The following SPECC1 variants were observed in gnomAD, a reference collection of about 807,000 sequenced individuals.
The protein encoded by SPECC1 is cytospin-B.
SPECC1 carries 62 observed loss-of-function variants against 104.1 expected under a neutral mutation model. The ratio of observed to expected loss-of-function variants is 0.60; its 90% CI spans 0.49 to 0.74. SPECC1 has a LOEUF of 0.74. Among genes scored for constraint, SPECC1 ranks in the 30% least tolerant of loss-of-function variants. SPECC1 has a pLI of 0.00. For missense variants in SPECC1, 1,306 were observed against 1,310.5 expected, an observed-to-expected ratio of 1.00 and a Z score of 0.05; for synonymous variants, 513 against 501.6, an observed-to-expected ratio of 1.02 and a Z score of -0.30.
At chr17:20,203,601 ATC>A (rs1184068094) in intron 3 of SPECC1, among the ~76,000 whole-genome samples, 1 of 152,218 alleles carries the variant, frequency 6.6e-6, no homozygotes, top group Admixed American at 6.5e-5. Flanking sequence ...TATCAGATCC[ATC>A]TCTCAGTATT....
rs534007542 is a variant in SPECC1 at position 20,028,214 on chromosome 17, T to TG, written c.-22+18792dup. Among the ~76,000 whole-genome samples the TG allele has an allele frequency of 2.7e-3, 405 of 152,242 alleles. 3 individuals are homozygous for TG. The highest frequency in any genetic ancestry group is 9.2e-3 in the African/African-American group (380 of 41,516). On this transcript the variant is annotated intron_variant, in intron 1 of 14. Transcript: ENST00000395527. ...TTTTGAAAATCATTTGGGCTGGATGTGGTGGCTGATGCCTATAATCGCAGC... is the reference window on the plus strand; with the variant it reads ...TTTTGAAAATCATTTGGGCTGGATGTGGGTGGCTGATGCCTATAATCGCAGC...
intron 3 of SPECC1, among the ~76,000 whole-genome samples, chr17:20,148,138 T>A (rs1362860196): frequency 6.6e-6 from 1 of 152,254 alleles, no homozygotes; most frequent in Non-Finnish European, 1.5e-5. Flanking sequence ...AACAGTATTC[T>A]GAGGAATAAA....
At chr17:20,255,125 T>G (rs946904338) in intron 10 of SPECC1, among the ~76,000 whole-genome samples, 1 of 152,210 alleles carries the variant, frequency 6.6e-6, no homozygotes, top group Non-Finnish European at 1.5e-5. Flanking sequence ...AATAGCTTTC[T>G]AAAGTGGTGA....
chr17:20,038,082 A>G (rs2045164607), intron 1 of SPECC1, among the ~76,000 whole-genome samples: 1 of 152,110 alleles, frequency 6.6e-6, no homozygotes, highest in Admixed American at 6.5e-5. Context: ...TTTCATTCTA[A>G]TAACTGGTAA....
intron 1 of SPECC1, among the ~76,000 whole-genome samples, chr17:20,033,522 AC>A (rs1206121136): frequency 6.6e-6 from 1 of 152,138 alleles, no homozygotes; most frequent in Non-Finnish European, 1.5e-5. Context: ...GCATGGCATC[AC>A]TATCTGCTTC....
chr17:20,261,864 A>G (rs1324695534), intron 12 of SPECC1, among the ~76,000 whole-genome samples: 1 of 152,234 alleles, frequency 6.6e-6, no homozygotes, highest in Non-Finnish European at 1.5e-5. Flanking sequence ...AAAGTCATGC[A>G]GTCACCACTC....
At chr17:20,224,858 A>G (rs1203765167) in intron 4 of SPECC1, among the ~76,000 whole-genome samples, 1 of 151,448 alleles carries the variant, frequency 6.6e-6, no homozygotes, top group Non-Finnish European at 1.5e-5. Flanking sequence ...GCTTTCCTCA[A>G]GCAGAAGGGA....
At chr17:20,215,572 C>G (rs1567950150) in intron 4 of SPECC1, among the ~76,000 whole-genome samples, 1 of 152,142 alleles carries the variant, frequency 6.6e-6, no homozygotes, top group Non-Finnish European at 1.5e-5. Context: ...GTCCATGTCT[C>G]TATAGTACCA....
At chr17:20,131,118 T>A (rs2049599163) in intron 3 of SPECC1, among the ~76,000 whole-genome samples, 1 of 152,200 alleles carries the variant, frequency 6.6e-6, no homozygotes, top group African/African-American at 2.4e-5. Flanking sequence ...CTAGGAGGAT[T>A]TTTTGTTTGT....
intron 4 of SPECC1, among the ~76,000 whole-genome samples, chr17:20,213,870 C>T (rs2037315941): frequency 1.2e-5 from 1 of 84,964 alleles, no homozygotes; most frequent in Non-Finnish European, 2.0e-5. Flanking sequence ...GTGGGAGTCT[C>T]TGAAGAATTT....
At chr17:20,150,871 A>G (rs910331781) in intron 3 of SPECC1, among the ~76,000 whole-genome samples, 1 of 152,176 alleles carries the variant, frequency 6.6e-6, no homozygotes, top group African/African-American at 2.4e-5. Context: ...AATTTGCTAT[A>G]TACATGTCAA....
chr17:20,173,948 T>C (rs1489929245), intron 3 of SPECC1, among the ~76,000 whole-genome samples: 6 of 151,604 alleles, frequency 4.0e-5, no homozygotes, highest in Admixed American at 2.6e-4. Flanking sequence ...TTTGTTTTTG[T>C]GGAGACGGAG....
At chr17:20,232,639 C>G (rs2038670218) in intron 7 of SPECC1, among the ~76,000 whole-genome samples, 1 of 152,232 alleles carries the variant, frequency 6.6e-6, no homozygotes, top group African/African-American at 2.4e-5. Flanking sequence ...AGGGCCAGTT[C>G]TAGCCAAGTA....
rs571223213 is a variant in SPECC1 at position 20,045,463 on chromosome 17, G to A, written c.-22+36039G>A. Among the ~76,000 whole-genome samples the A allele has an allele frequency of 5.9e-5, 9 of 152,308 alleles. No individual in the cohort carries two copies. In the East Asian group the frequency reaches 7.7e-4, roughly 13 times the overall value. ...TGGAATTACTGAAACAAAAGTTGTG[G>A]ATATTTATGTTTTGCCAGTTGTTCT... On this transcript the variant is annotated intron_variant, in intron 1 of 14. Coordinates refer to ENST00000395527, the MANE Select transcript of SPECC1 (RefSeq NM_001243439.2).
At chr17:20,312,338 A>G (rs563816818) in intron 14 of SPECC1, among the ~76,000 whole-genome samples, 15 of 136,322 alleles carry the variant, frequency 1.1e-4, no homozygotes, top group Admixed American at 3.7e-4. Context: ...AATGTATAAC[A>G]TCTTTTCACA....
At chr17:20,177,361 A>T (rs1312944987) in intron 3 of SPECC1, among the ~76,000 whole-genome samples, 1 of 152,308 alleles carries the variant, frequency 6.6e-6, no homozygotes. Flanking sequence ...TTCAATTATA[A>T]ATTTTTGTCT....
intron 1 of SPECC1, among the ~76,000 whole-genome samples, chr17:20,016,474 G>A (rs981435480): frequency 2.0e-5 from 3 of 152,122 alleles, no homozygotes; most frequent in South Asian, 2.1e-4. Context: ...AGGGAGAGGC[G>A]CGGGCGGGAA....
At chr17:20,103,088 A>G (rs1243676291) in intron 2 of SPECC1, among the ~76,000 whole-genome samples, 3 of 152,122 alleles carry the variant, frequency 2.0e-5, no homozygotes, top group African/African-American at 7.2e-5. Flanking sequence ...GGTGGTCTGT[A>G]TTTTCAGCCC....
chr17:20,292,795 G>A (rs1166466250), intron 12 of SPECC1, among the ~76,000 whole-genome samples: 1 of 152,210 alleles, frequency 6.6e-6, no homozygotes, highest in African/African-American at 2.4e-5. Flanking sequence ...ATGCTGGTGT[G>A]CTTAGCGACT....
Sources: gnomAD v4.1 joint callset for allele counts (sites outside exome capture counted in the v4.1 genomes callset) on GRCh38, gnomAD v4.1.1 for gene constraint, MANE v1.5 for transcripts, NCBI Gene and HGNC (gene_info 2026-07-23, HGNC 2026-07-21) for gene names.